FAM110B: variants seen among roughly 807,000 people sequenced by gnomAD.
FAM110B encodes family with sequence similarity 110 member B, also known as protein FAM110B.
Under a neutral mutation model 20.4 loss-of-function variants are expected in FAM110B, and 6 were observed. That is an observed-to-expected ratio of 0.29 (90% CI 0.16 to 0.58). The LOEUF (loss-of-function observed/expected upper bound fraction) is 0.58. Among genes scored for constraint, FAM110B ranks in the 20% least tolerant of loss-of-function variants. FAM110B has a pLI of 0.90. For synonymous variants in FAM110B, 226 were observed against 214.1 expected, an observed-to-expected ratio of 1.06 and a Z score of -0.49; for missense variants, 434 against 498.2, an observed-to-expected ratio of 0.87 and a Z score of 1.23.
At position 58,062,755 on chromosome 8, in the gene FAM110B, A is replaced by G. The variant is rs189145469; in HGVS notation, c.-413-12780A>G. On this transcript the variant is annotated intron_variant, in intron 2 of 3. Coordinates refer to ENST00000519262, the MANE Select transcript of FAM110B (RefSeq NM_001377989.1). ...ATCATGCTAATGTTTCTAACTTTAT[A>G]TCCAAAGAAATTATTTTCCATTTTC... is the stretch of plus-strand genomic sequence containing the variant. Among the ~76,000 whole-genome samples, 60 of 152,352 alleles carry G rather than the reference A, an allele frequency of 3.9e-4. No individual in the cohort carries two copies. The East Asian group carries it at 8.7e-3, about 22-fold the overall frequency.
At chr8:58,100,942 A>G (rs12334505) in intron 3 of FAM110B, 20,945 of 152,142 alleles carry the variant, frequency 0.14, 2,788 homozygotes, top group African/African-American at 0.35. Flanking sequence ...GGGAGGCCGC[A>G]GCAGGTGGAT....
chr8:58,030,560 TGAAG>T (rs1221584348), intron 1 of FAM110B, among the ~76,000 whole-genome samples: 1 of 108,902 alleles, frequency 9.2e-6, no homozygotes, highest in Admixed American at 8.6e-5. Flanking sequence ...TAGATCTTAA[TGAAG>T]TAGTTTTTTA....
At chr8:58,024,464 CT>C (rs1282910188) in intron 1 of FAM110B, among the ~76,000 whole-genome samples, 1 of 152,168 alleles carries the variant, frequency 6.6e-6, no homozygotes, top group East Asian at 1.9e-4. Context: ...TTAAGTGACT[CT>C]TCTGTGCCTG....
chr8:58,023,336 T>C (rs1804792609), intron 1 of FAM110B, among the ~76,000 whole-genome samples: 1 of 152,250 alleles, frequency 6.6e-6, no homozygotes, highest in Admixed American at 6.5e-5. Flanking sequence ...AATAAGTATT[T>C]TTTATGATGT....
At chr8:58,124,468 T>C (rs527969853) in intron 3 of FAM110B, among the ~76,000 whole-genome samples, 1 of 152,374 alleles carries the variant, frequency 6.6e-6, no homozygotes, top group African/African-American at 2.4e-5. Flanking sequence ...CATGTTACGC[T>C]GCACAGGCAA....
chr8:58,134,298 C>T (rs1355284430), intron 3 of FAM110B, among the ~76,000 whole-genome samples: 1 of 152,134 alleles, frequency 6.6e-6, no homozygotes, highest in African/African-American at 2.4e-5. Flanking sequence ...TAAAATTCTA[C>T]CTTGTATTCA....
intron 1 of FAM110B, among the ~76,000 whole-genome samples, chr8:58,000,843 A>G (rs1804279603): frequency 6.6e-6 from 1 of 152,200 alleles, no homozygotes; most frequent in Non-Finnish European, 1.5e-5. Context: ...AATTCCTTTA[A>G]TCTATCCCTA....
chr8:58,013,085 G>T (rs1216626748), intron 1 of FAM110B, among the ~76,000 whole-genome samples: 1 of 152,154 alleles, frequency 6.6e-6, no homozygotes, highest in Non-Finnish European at 1.5e-5. Flanking sequence ...GCTGTGGAAG[G>T]CCCCTGATGG....
At chr8:58,111,758 G>A (rs1478837503) in intron 3 of FAM110B, among the ~76,000 whole-genome samples, 1 of 152,164 alleles carries the variant, frequency 6.6e-6, no homozygotes, top group Non-Finnish European at 1.5e-5. Flanking sequence ...CCACGTGTGT[G>A]CAAACCCCTC....
At chr8:58,142,819 A>G (rs1803771490) in intron 3 of FAM110B, among the ~76,000 whole-genome samples, 1 of 152,186 alleles carries the variant, frequency 6.6e-6, no homozygotes, top group Admixed American at 6.5e-5. Context: ...CTATATAATT[A>G]TTTTTGTTGA....
intron 3 of FAM110B, among the ~76,000 whole-genome samples, chr8:58,133,424 C>T (rs1803532840): frequency 6.6e-6 from 1 of 152,174 alleles, no homozygotes; most frequent in African/African-American, 2.4e-5. Flanking sequence ...AGGCAGGAGC[C>T]AGGCAGCTGC....
chr8:58,016,772 G>C (rs1804646761), intron 1 of FAM110B, among the ~76,000 whole-genome samples: 1 of 152,112 alleles, frequency 6.6e-6, no homozygotes, highest in Non-Finnish European at 1.5e-5. Context: ...CCCAAGAGAA[G>C]CTGGTGCAAT....
chr8:58,036,743 G>A (rs1333764167), intron 2 of FAM110B, among the ~76,000 whole-genome samples: 1 of 152,164 alleles, frequency 6.6e-6, no homozygotes, highest in African/African-American at 2.4e-5. Context: ...TTGGACTTCA[G>A]CTGTAATTGA....
At chr8:58,027,148 G>A (rs1177173930) in intron 1 of FAM110B, among the ~76,000 whole-genome samples, 1 of 152,130 alleles carries the variant, frequency 6.6e-6, no homozygotes, top group Non-Finnish European at 1.5e-5. Context: ...TTACATTGAA[G>A]AAATTTATTG....
intron 3 of FAM110B, among the ~76,000 whole-genome samples, chr8:58,087,075 G>A (rs1023345447): frequency 1.3e-5 from 2 of 152,206 alleles, no homozygotes; most frequent in African/African-American, 4.8e-5. Context: ...GTGTGCTTTA[G>A]GTGCCAGGTG....
chr8:58,035,418 GA>G (rs1458108368), intron 2 of FAM110B, among the ~76,000 whole-genome samples: 1 of 152,146 alleles, frequency 6.6e-6, no homozygotes, highest in African/African-American at 2.4e-5. Flanking sequence ...GTATATTAGA[GA>G]ATTTTCTTAC....
intron 3 of FAM110B, among the ~76,000 whole-genome samples, chr8:58,133,685 G>C (rs1477294269): frequency 6.6e-6 from 1 of 151,250 alleles, no homozygotes; most frequent in Non-Finnish European, 1.5e-5. Context: ...ATCTTGGTCA[G>C]GGGAGGCTGG....
chr8:58,094,134 T>C (rs758670789), intron 3 of FAM110B, among the ~76,000 whole-genome samples: 11 of 152,232 alleles, frequency 7.2e-5, no homozygotes, highest in Non-Finnish European at 1.5e-4. Flanking sequence ...CTTATCATCT[T>C]AAGGAGATTT....
At chr8:58,073,038 C>T (rs1249192718) in intron 2 of FAM110B, among the ~76,000 whole-genome samples, 2 of 152,152 alleles carry the variant, frequency 1.3e-5, no homozygotes, top group African/African-American at 2.4e-5. Flanking sequence ...ATAAATATTT[C>T]AGGGTTGACC....
Sources: gnomAD v4.1 joint callset for allele counts (sites outside exome capture counted in the v4.1 genomes callset) on GRCh38, gnomAD v4.1.1 for gene constraint, MANE v1.5 for transcripts, NCBI Gene and HGNC (gene_info 2026-07-23, HGNC 2026-07-21) for gene names.